Variants in FUT8 observed in about 807,000 individuals in gnomAD.
The protein encoded by FUT8 is alpha-(1,6)-fucosyltransferase.
A neutral mutation model predicts 71.3 loss-of-function variants in FUT8; 29 were observed. The ratio of observed to expected loss-of-function variants is 0.41; its 90% CI spans 0.30 to 0.55. The LOEUF (loss-of-function observed/expected upper bound fraction) is 0.55, where lower values mean the gene tolerates loss of function less well. Ranked by LOEUF, FUT8 falls within the 20% of genes least tolerant of loss-of-function variation. The pLI is 0.34. For missense variants in FUT8, 544 were observed against 702.1 expected (o/e 0.77, Z 2.55); for synonymous variants, 254 against 239.3 (o/e 1.06, Z -0.57).
intron 6 of FUT8, among the ~76,000 whole-genome samples, chr14:65,663,614 C>T (rs1326066430): frequency 6.6e-6 from 1 of 152,056 alleles, no homozygotes; most frequent in African/African-American, 2.4e-5. Context: ...CCCTTCAAGT[C>T]TTCCATTGAT....
intron 5 of FUT8, among the ~76,000 whole-genome samples, chr14:65,621,000 G>A (rs1889579214): frequency 6.6e-6 from 1 of 152,002 alleles, no homozygotes; most frequent in African/African-American, 2.4e-5. Context: ...CTAAAATAAA[G>A]TTTGCATTAG....
In FUT8 at chr14:65,742,289, G is replaced by A. The variant is rs767996027; in HGVS notation, c.1607G>A (p.Trp536Ter). 1.2e-6 allele frequency: 2 copies of A among 1,613,044 alleles called. No homozygotes were observed. The stretch of plus-strand genomic sequence containing the variant: ...ATCATTGGTGTGGCTGGAAATCATT[G>A]GGATGGCTATTCTAAAGGTGTCAAC... ...GDIIGVAGNHWDGYSKGVNRK... is the reference protein window; with the variant it reads ...GDIIGVAGNH Residue 536 changes from tryptophan to a stop codon, truncating the protein, a stop_gained, in exon 11 of 11, where the codon TGG (tryptophan) becomes TAG (stop). Transcript: ENST00000673929. LOFTEE classifies it high-confidence loss of function.
At chr14:65,720,849 C>T (rs1032074908) in intron 7 of FUT8, among the ~76,000 whole-genome samples, 11 of 152,160 alleles carry the variant, frequency 7.2e-5, no homozygotes, top group Non-Finnish European at 4.4e-5. Context: ...CCTCCATGGG[C>T]ATTGGCTGAG....
chr14:65,656,608 C>G (rs2140338310), intron 6 of FUT8, among the ~76,000 whole-genome samples: 1 of 152,224 alleles, frequency 6.6e-6, no homozygotes, highest in Non-Finnish European at 1.5e-5. Context: ...ACCAGTGACA[C>G]TCTTCACAGA....
rs1888421272 is a variant in FUT8 at position 65,603,575 on chromosome 14, T to C, written c.204-12403T>C. Among the ~76,000 whole-genome samples, 1 of 151,772 alleles carries C rather than the reference T, an allele frequency of 6.6e-6. No individual in the cohort carries two copies. Among genetic ancestry groups the C allele is most frequent in the Non-Finnish European group, 1.5e-5 (1 of 67,862 alleles). Reference sequence around the variant, plus strand: ...ATTTGTAGATTTGGCGGTATGGCAATTTTCACAATGACCATAAGCTCATTT... The same window carrying C: ...ATTTGTAGATTTGGCGGTATGGCAACTTTCACAATGACCATAAGCTCATTT... On this transcript the variant is annotated intron_variant, in intron 3 of 10. Transcript: ENST00000673929. This position sits in a 1 kb window ranked among gnomAD's most constrained non-coding sequence, Gnocchi z 4.5.
chr14:65,729,707 C>T (rs1038782244), intron 9 of FUT8, among the ~76,000 whole-genome samples: 9 of 152,076 alleles, frequency 5.9e-5, no homozygotes, highest in Admixed American at 4.6e-4. Context: ...AGCTTTGATC[C>T]ATAGCACAGC....
intron 2 of FUT8, among the ~76,000 whole-genome samples, chr14:65,463,005 T>A (rs1020723985): frequency 3.9e-5 from 6 of 152,194 alleles, no homozygotes; most frequent in African/African-American, 1.2e-4. Flanking sequence ...TACTAAGTGT[T>A]TTCATAGTGG....
In FUT8 at chr14:65,452,699, A is replaced by G. The variant is rs191476672; in HGVS notation, c.-325-2922A>G. The stretch of plus-strand genomic sequence containing the variant: ...GGAAACTATGGGAAGCTGCGGAAGA[A>G]CCACCAAAAAGGAATTGAGGGAATA... On this transcript the variant is annotated intron_variant, in intron 1 of 10. Coordinates refer to ENST00000673929, the MANE Select transcript of FUT8 (RefSeq NM_001371533.1). Among the ~76,000 whole-genome samples the G allele has an allele frequency of 6.6e-5, 10 of 152,346 alleles. No homozygotes were observed. In the East Asian group the frequency reaches 1.9e-3, roughly 29 times the overall value.
In FUT8 at chr14:65,721,910, CA is replaced by C. The variant is rs1566916292; in HGVS notation, c.972del (p.Val325CysfsTer11). ...CTTGTACGAGTGCATGGTGACCCTGCAGTGTGGTGGGTGTCTCAGTTTGTCA... is the reference window on the plus strand; with the variant it reads ...CTTGTACGAGTGCATGGTGACCCTGCGTGTGGTGGGTGTCTCAGTTTGTCA... The part of the protein sequence containing the change: ...DRLVRVHGDP[A>X]VWWVSQFVKY... On this transcript the variant is annotated frameshift_variant, in exon 8 of 11. Coordinates refer to ENST00000673929, the MANE Select transcript of FUT8 (RefSeq NM_001371533.1). LOFTEE classifies it high-confidence loss of function. 6.2e-7 allele frequency: 1 copy of C among 1,614,172 alleles called. No homozygotes were observed. Among genetic ancestry groups the C allele is most frequent in the African/African-American group, 1.3e-5 (1 of 75,050 alleles).
chr14:65,716,124 A>G (rs947030974), intron 7 of FUT8, among the ~76,000 whole-genome samples: 3 of 152,308 alleles, frequency 2.0e-5, no homozygotes, highest in South Asian at 2.1e-4. Context: ...GAAATGTTCT[A>G]TAAGTATTTA....
intron 7 of FUT8, among the ~76,000 whole-genome samples, chr14:65,715,974 CAA>C (rs36028848): frequency 3.9e-5 from 5 of 126,998 alleles, no homozygotes; most frequent in East Asian, 2.5e-4. Flanking sequence ...GACCCTCTCT[CAA>C]AAAAAAAAAA....
At chr14:65,386,358 G>T in the FUT8 span, among the ~76,000 whole-genome samples, 3 of 151,664 alleles carry the variant, frequency 2.0e-5, no homozygotes, top group African/African-American at 7.3e-5. Context: ...AAAAAAATTA[G>T]CTGGGCATGG....
At chr14:65,443,446 T>G (rs1352456831) in intron 1 of FUT8, among the ~76,000 whole-genome samples, 3 of 146,698 alleles carry the variant, frequency 2.0e-5, no homozygotes, top group Non-Finnish European at 4.5e-5. Context: ...CAAGGCTGGG[T>G]GCAGTGGCTC....
chr14:65,619,282 G>A (rs891007601), intron 5 of FUT8, among the ~76,000 whole-genome samples: 4 of 152,180 alleles, frequency 2.6e-5, no homozygotes, highest in Non-Finnish European at 4.4e-5. Context: ...TTGTTTCCTG[G>A]TAGAAATCGC....
At chr14:65,508,326 T>G (rs1882070600) in intron 2 of FUT8, among the ~76,000 whole-genome samples, 1 of 151,698 alleles carries the variant, frequency 6.6e-6, no homozygotes, top group Non-Finnish European at 1.5e-5. Flanking sequence ...TGCCTCAACC[T>G]CCCAAAGTGC....
In FUT8 at chr14:65,677,151, T is replaced by TGTGTGTGTGTGTGCGCGCGCGC; in HGVS notation, c.835+7672_835+7673insTGTGTGTGTGTGCGCGCGCGCG. On this transcript the variant is annotated intron_variant, in intron 7 of 10. Coordinates refer to ENST00000673929, the MANE Select transcript of FUT8 (RefSeq NM_001371533.1). ...GTGTGTGTGTGTGTGTGTGTGTGTG[T>TGTGTGTGTGTGTGCGCGCGCGC]GCGCGCGCGCATGCGCGCGCACGTA... Among the ~76,000 whole-genome samples, 236 of 110,700 alleles carry TGTGTGTGTGTGTGCGCGCGCGC rather than the reference T, an allele frequency of 2.1e-3. 2 individuals are homozygous for TGTGTGTGTGTGTGCGCGCGCGC. The highest frequency in any genetic ancestry group is 3.3e-3 in the Non-Finnish European group (184 of 55,666). The allele number at this position is 110,700 out of a possible 152,430, so 72.6% of individuals were successfully genotyped here. A position where few individuals can be genotyped will look rare whatever the true frequency, so the allele number is the denominator to read the frequency against.
chr14:65,362,968 A>G, the FUT8 span, among the ~76,000 whole-genome samples: 1 of 141,208 alleles, frequency 7.1e-6, no homozygotes, highest in Non-Finnish European at 1.6e-5. Context: ...TTTCAAAAAA[A>G]AAAAAAAAAA....
intron 3 of FUT8, among the ~76,000 whole-genome samples, chr14:65,597,418 G>T (rs973004147): frequency 6.6e-6 from 1 of 151,542 alleles, no homozygotes; most frequent in African/African-American, 2.4e-5. Context: ...CACGAGGTCA[G>T]GAGATCGAGA....
chr14:65,420,385 G>C (rs187369575), intron 1 of FUT8, among the ~76,000 whole-genome samples: 52 of 152,132 alleles, frequency 3.4e-4, no homozygotes, highest in Non-Finnish European at 1.2e-4. Context: ...CCAAAATGCT[G>C]GGATTACAGG....
Sources: allele counts gnomAD v4.1 joint callset (sites outside exome capture counted in the v4.1 genomes callset), GRCh38; gene constraint gnomAD v4.1.1; non-coding constraint Gnocchi (gnomAD v3.1); transcripts MANE v1.5; gene names NCBI Gene and HGNC (gene_info 2026-07-23, HGNC 2026-07-21).